Variants in KIF16B observed in about 807,000 individuals in gnomAD.
KIF16B encodes the protein kinesin family member 16B.
Under a neutral mutation model 156.3 loss-of-function variants are expected in KIF16B, and 98 were observed. The observed-to-expected ratio is 0.63, with a 90% CI of 0.53 to 0.74. KIF16B has a LOEUF of 0.74. Among genes scored for constraint, KIF16B ranks in the 30% least tolerant of loss-of-function variants. The probability of loss-of-function intolerance (pLI) is 0.00; values close to 1 mark genes in which losing one functional copy is unlikely to be tolerated. For missense variants in KIF16B, 1,421 were observed against 1,606.5 expected (o/e 0.88, Z 1.97); for synonymous variants, 564 against 583.7 (o/e 0.97, Z 0.49).
At chr20:16,442,419 T>TTATA (rs11472428) in intron 12 of KIF16B, among the ~76,000 whole-genome samples, 24,116 of 149,156 alleles carry the variant, frequency 0.16, 2,097 homozygotes, top group African/African-American at 0.22. Flanking sequence ...TACATACATA[T>TTATA]TATATATATA....
intron 17 of KIF16B, chr20:16,381,961 A>G (rs1427994114): frequency 3.7e-6 from 3 of 806,388 alleles, no homozygotes; most frequent in Non-Finnish European, 5.7e-6. Context: ...CAGGCTGAAA[A>G]GAACAGATTT....
At chr20:16,304,223 A>G (rs1369647344) in intron 25 of KIF16B, among the ~76,000 whole-genome samples, 1 of 152,122 alleles carries the variant, frequency 6.6e-6, no homozygotes. Flanking sequence ...TTCCTCTTAC[A>G]CCAATTACTG....
chr20:16,430,656 C>G (rs78886317), intron 12 of KIF16B, among the ~76,000 whole-genome samples: 4,234 of 152,070 alleles, frequency 0.028, 203 homozygotes, highest in African/African-American at 0.095. Flanking sequence ...TCTTGAACTC[C>G]CTCTATGAAG....
At chr20:16,359,515 A>AT (rs1342852818) in intron 22 of KIF16B, among the ~76,000 whole-genome samples, 1 of 152,138 alleles carries the variant, frequency 6.6e-6, no homozygotes, top group Non-Finnish European at 1.5e-5. Flanking sequence ...CTTGTAAATT[A>AT]CCCAGTCTTG....
intron 25 of KIF16B, among the ~76,000 whole-genome samples, chr20:16,304,473 A>G (rs2063514561): frequency 6.6e-6 from 1 of 152,212 alleles, no homozygotes; most frequent in Non-Finnish European, 1.5e-5. Context: ...GCCACTAAAC[A>G]TAACACCTTT....
At chr20:16,292,498 G>A (rs547212421) in intron 25 of KIF16B, among the ~76,000 whole-genome samples, 5 of 152,262 alleles carry the variant, frequency 3.3e-5, no homozygotes, top group South Asian at 4.2e-4. Context: ...AGGTTCACTC[G>A]CAAAGACCAC....
chr20:16,312,472 G>A (rs570071418), intron 24 of KIF16B, 54 bp from the exon 25 acceptor site: 14 of 1,254,584 alleles, frequency 1.1e-5, no homozygotes, highest in Non-Finnish European at 1.6e-5. Flanking sequence ...TTAATTGTTG[G>A]GCTATTATTA....
intron 15 of KIF16B, among the ~76,000 whole-genome samples, chr20:16,422,895 G>C (rs898332361): frequency 5.3e-5 from 8 of 151,784 alleles, no homozygotes; most frequent in Non-Finnish European, 1.0e-4. Context: ...AATATTTAAA[G>C]AAAAAATTTC....
chr20:16,379,941 C>A lies in KIF16B; in HGVS notation c.2061G>T (p.Gln687His), dbSNP rs528292073. 202 of 1,614,182 alleles carry A rather than the reference C, an allele frequency of 1.3e-4. 2 individuals are homozygous for A. The highest frequency in any genetic ancestry group is 1.2e-3 in the South Asian group (112 of 91,072). Residue 687 changes from glutamine to histidine, a missense_variant, in exon 19 of 26, where the codon CAG becomes CAT. Physicochemically the swap from Gln to His is conservative, Grantham distance 24 (BLOSUM62 0). Transcript: ENST00000354981. Reference protein sequence around the residue: ...EKFEEERLREQQEIELQKKRQ... With the variant: ...EKFEEERLREHQEIELQKKRQ... ...TCTTCTTCTGCAGCTCGATTTCCTG[C>A]TGTTCCCTCAGCCTCTCCTCTTCAA...
intron 12 of KIF16B, among the ~76,000 whole-genome samples, chr20:16,455,675 A>G (rs1239870017): frequency 6.6e-6 from 1 of 152,186 alleles, no homozygotes; most frequent in African/African-American, 2.4e-5. Context: ...CAAAAACCAG[A>G]AAAATTTAGA....
At chr20:16,286,719 C>T (rs1211804116) in intron 25 of KIF16B, among the ~76,000 whole-genome samples, 1 of 152,150 alleles carries the variant, frequency 6.6e-6, no homozygotes, top group Non-Finnish European at 1.5e-5. Flanking sequence ...AGTACAAGGT[C>T]AAGCAGAGGT....
intron 24 of KIF16B, among the ~76,000 whole-genome samples, chr20:16,331,648 G>A (rs1319677187): frequency 6.6e-6 from 1 of 152,122 alleles, no homozygotes; most frequent in Non-Finnish European, 1.5e-5. Context: ...CAGAAATAAT[G>A]AGCCCAATCT....
rs559348169 is a variant in KIF16B at position 16,314,502 on chromosome 20, C to T, written c.3712-2084G>A. 2.0e-5 allele frequency among the ~76,000 whole-genome samples: 3 copies of T among 152,258 alleles called. No individual in the cohort carries two copies. In the South Asian group the frequency reaches 6.2e-4, roughly 32 times the overall value. ...CACCAATGTTTAGTTGGCTGACATC[C>T]AACTTTAAAATCAGTTCAAGGTAAA... On this transcript the variant is annotated intron_variant, in intron 24 of 25. Coordinates refer to ENST00000354981, the MANE Select transcript of KIF16B (RefSeq NM_024704.5).
intron 12 of KIF16B, among the ~76,000 whole-genome samples, chr20:16,483,381 T>C (rs1272360389): frequency 6.6e-6 from 1 of 152,208 alleles, no homozygotes; most frequent in African/African-American, 2.4e-5. Context: ...AGCTACCTGA[T>C]AAAATACGTC....
chr20:16,501,192 T>C (rs2068610751), intron 10 of KIF16B, among the ~76,000 whole-genome samples: 1 of 152,104 alleles, frequency 6.6e-6, no homozygotes, highest in South Asian at 2.1e-4. Flanking sequence ...AGTGTTGCAA[T>C]ACCAAGAATT....
At chr20:16,378,175 A>G (rs1431545472) in intron 19 of KIF16B, among the ~76,000 whole-genome samples, 3 of 152,164 alleles carry the variant, frequency 2.0e-5, no homozygotes, top group South Asian at 2.1e-4. Flanking sequence ...ACTTATTTCA[A>G]CAAGTGCTGG....
At chr20:16,290,941 T>C (rs1229689501) in intron 25 of KIF16B, among the ~76,000 whole-genome samples, 1 of 152,170 alleles carries the variant, frequency 6.6e-6, no homozygotes, top group East Asian at 1.9e-4. Flanking sequence ...AAGTTCCTTT[T>C]TCAAACAGAT....
At chr20:16,564,209 TTTGCTGAGAA>T (rs1468976825) in intron 1 of KIF16B, among the ~76,000 whole-genome samples, 5 of 152,252 alleles carry the variant, frequency 3.3e-5, no homozygotes, top group African/African-American at 1.2e-4. Context: ...CTTGCGGTAA[TTTGCTGAGAA>T]TGATGGTTTC....
chr20:16,382,369 T>A (rs1180162154), intron 17 of KIF16B, among the ~76,000 whole-genome samples: 1 of 152,228 alleles, frequency 6.6e-6, no homozygotes, highest in African/African-American at 2.4e-5. Flanking sequence ...TCTACACTTC[T>A]CATCATAATC....
Sources: allele counts gnomAD v4.1 joint callset (sites outside exome capture counted in the v4.1 genomes callset), GRCh38; gene constraint gnomAD v4.1.1; transcripts MANE v1.5; gene names NCBI Gene and HGNC (gene_info 2026-07-23, HGNC 2026-07-21).